Variants in IGF2BP3 observed in about 807,000 individuals in gnomAD.
IGF2BP3 encodes the protein insulin like growth factor 2 mRNA binding protein 3.
Under a neutral mutation model 73.8 loss-of-function variants are expected in IGF2BP3, and 9 were observed. That is an observed-to-expected ratio of 0.12 (90% CI 0.07 to 0.21). The LOEUF is 0.21. Ranked by LOEUF, IGF2BP3 falls within the 10% of genes least tolerant of loss-of-function variation. The pLI is 1.00. For missense variants in IGF2BP3, 542 were observed against 714.0 expected (o/e 0.76, Z 2.75); for synonymous variants, 258 against 256.7 (o/e 1.01, Z -0.05).
At chr7:23,345,886 A>T in intron 8 of IGF2BP3, 54 bp downstream of exon 8, 7 of 1,587,960 alleles carry the variant, frequency 4.4e-6, no homozygotes, top group Non-Finnish European at 6.0e-6. Flanking sequence ...AATACACAAC[A>T]TGCAGCTTAC....
intron 2 of IGF2BP3, among the ~76,000 whole-genome samples, chr7:23,459,088 TTCTTA>T (rs1399107688): frequency 6.6e-6 from 1 of 152,234 alleles, no homozygotes; most frequent in African/African-American, 2.4e-5. Context: ...TAGTTTTCCT[TTCTTA>T]TAATATTTAA....
chr7:23,385,098 C>G (rs1786040230), intron 3 of IGF2BP3, among the ~76,000 whole-genome samples: 1 of 152,086 alleles, frequency 6.6e-6, no homozygotes, highest in Non-Finnish European at 1.5e-5. Flanking sequence ...GGGAGTTTCT[C>G]TTTATAGAAG....
intron 2 of IGF2BP3, among the ~76,000 whole-genome samples, chr7:23,434,234 T>C (rs1216497272): frequency 6.6e-6 from 1 of 152,212 alleles, no homozygotes; most frequent in East Asian, 1.9e-4. Flanking sequence ...ATACGGGGTA[T>C]GTCTACATTA....
At chr7:23,429,342 C>G (rs1035455143) in intron 2 of IGF2BP3, among the ~76,000 whole-genome samples, 2 of 152,048 alleles carry the variant, frequency 1.3e-5, no homozygotes, top group African/African-American at 4.8e-5. Context: ...CTCATTTAAC[C>G]CTCAGAGTTG....
At chr7:23,341,708 T>C (rs1333794565) in intron 10 of IGF2BP3, among the ~76,000 whole-genome samples, 1 of 151,336 alleles carries the variant, frequency 6.6e-6, no homozygotes, top group African/African-American at 2.4e-5. Context: ...CATGTATACC[T>C]ATGTAACAAA....
At chr7:23,345,562 C>T (rs1369900063) in intron 8 of IGF2BP3, among the ~76,000 whole-genome samples, 1 of 152,236 alleles carries the variant, frequency 6.6e-6, no homozygotes, top group Non-Finnish European at 1.5e-5. Context: ...TCCTGCATTC[C>T]TAACCCACAA....
intron 5 of IGF2BP3, among the ~76,000 whole-genome samples, chr7:23,356,028 G>A (rs1344172845): frequency 6.6e-6 from 1 of 151,944 alleles, no homozygotes. Flanking sequence ...TTGAGGAAGA[G>A]GGGGAAAGAG....
rs1783850597 is a variant in IGF2BP3, at chr7:23,312,201, C to T, written c.*161G>A. The T allele has an allele frequency of 1.3e-5, 7 of 528,602 alleles. No homozygotes were observed. The highest frequency in any genetic ancestry group is 3.2e-5 in the East Asian group (1 of 30,782). The allele number at this position is 528,602 out of a possible 1,614,324, so 32.7% of individuals were successfully genotyped here. On this transcript the variant is annotated 3_prime_UTR_variant, in exon 15 of 15. Transcript: ENST00000258729. ...TCAGAGAGCATAAAGTATACATTCT[C>T]ACAGAGACAGGAGTTCAAAAGTTGC...
chr7:23,439,040 A>G (rs1787868705), intron 2 of IGF2BP3, among the ~76,000 whole-genome samples: 1 of 151,028 alleles, frequency 6.6e-6, no homozygotes, highest in South Asian at 2.1e-4. Context: ...TCCAGGAGCT[A>G]AAGACCAGCC....
intron 2 of IGF2BP3, among the ~76,000 whole-genome samples, chr7:23,420,210 G>A (rs1173638603): frequency 1.3e-5 from 2 of 152,224 alleles, no homozygotes; most frequent in Non-Finnish European, 2.9e-5. Context: ...CAGGCCTTGT[G>A]GCTTATGCCT....
chr7:23,383,839 G>A lies in IGF2BP3; in HGVS notation c.286-22098C>T, dbSNP rs541386887. 6.6e-5 allele frequency among the ~76,000 whole-genome samples: 10 copies of A among 152,256 alleles called. No individual in the cohort carries two copies. In the South Asian group the frequency reaches 2.1e-3, roughly 32 times the overall value. On this transcript the variant is annotated intron_variant, in intron 3 of 14. Coordinates refer to ENST00000258729, the MANE Select transcript of IGF2BP3 (RefSeq NM_006547.3). Reference sequence around the variant, plus strand: ...GAGCCGGGCGCGGTGGCTCACACCTGTAATTCCAGCACTTTGGGAGGCCGA... The same window carrying A: ...GAGCCGGGCGCGGTGGCTCACACCTATAATTCCAGCACTTTGGGAGGCCGA...
chr7:23,420,391 T>C (rs1787311733), intron 2 of IGF2BP3, among the ~76,000 whole-genome samples: 1 of 152,066 alleles, frequency 6.6e-6, no homozygotes, highest in African/African-American at 2.4e-5. Context: ...GATGGAAGGA[T>C]TGCTTGAGAC....
chr7:23,312,584 T>C, intron 14 of IGF2BP3, 124 bp from the exon 15 acceptor site: 2 of 900,806 alleles, frequency 2.2e-6, no homozygotes, highest in Non-Finnish European at 3.6e-6. Context: ...ACTAGTCAGT[T>C]TGCTAGTAGT....
Position 23,312,337 on chromosome 7 carries a change from CTG to C in IGF2BP3, c.*23_*24del, listed in dbSNP as rs765754684. ...TCTGTCTTTGGTTTGGCATCTGCCT[CTG>C]TGGTGGGCTGTTTCCTGAGCCTTTA... On this transcript the variant is annotated 3_prime_UTR_variant, in exon 15 of 15. Transcript: ENST00000258729. The C allele has an allele frequency of 7.2e-6, 11 of 1,536,328 alleles. No homozygotes were observed. Among genetic ancestry groups the C allele is most frequent in the Admixed American group, 1.7e-5 (1 of 59,846 alleles).
chr7:23,401,325 TGCCAGCATCATGGA>T (rs1020302883), intron 3 of IGF2BP3, among the ~76,000 whole-genome samples: 1 of 152,152 alleles, frequency 6.6e-6, no homozygotes, highest in African/African-American at 2.4e-5. Context: ...ACATCATGGC[TGCCAGCATCATGGA>T]GGCAGCATCA....
At chr7:23,394,349 C>G (rs1388963621) in intron 3 of IGF2BP3, among the ~76,000 whole-genome samples, 2 of 152,082 alleles carry the variant, frequency 1.3e-5, no homozygotes, top group Non-Finnish European at 2.9e-5. Context: ...TACCTGTAGT[C>G]CCAGCTACTC....
chr7:23,311,424 T>C lies in IGF2BP3; in HGVS notation c.*938A>G, dbSNP rs778509001. The C allele has an allele frequency of 6.5e-6, 1 of 152,676 alleles. No individual in the cohort carries two copies. The highest frequency in any genetic ancestry group is 1.5e-5 in the Non-Finnish European group (1 of 68,016). 9.5% of individuals were successfully genotyped at this position (152,676 alleles called of 1,614,324 possible). ...CATGTAGCTAAACAAAAAACTGAAG[T>C]CTCCTGAAGCCATTTAAACCAGCCG... On this transcript the variant is annotated 3_prime_UTR_variant, in exon 15 of 15. Transcript: ENST00000258729.
intron 8 of IGF2BP3, among the ~76,000 whole-genome samples, chr7:23,344,661 A>C (rs1784789517): frequency 6.6e-6 from 1 of 152,228 alleles, no homozygotes; most frequent in Admixed American, 6.5e-5. Context: ...CTAAGTACAT[A>C]AATTGAGAGG....
intron 5 of IGF2BP3, among the ~76,000 whole-genome samples, chr7:23,353,896 G>A (rs896486988): frequency 6.6e-6 from 1 of 152,204 alleles, no homozygotes; most frequent in Non-Finnish European, 1.5e-5. Context: ...AAAGGAAGAC[G>A]ACAGCTGATA....
Sources: gnomAD v4.1 joint callset for allele counts (sites outside exome capture counted in the v4.1 genomes callset) on GRCh38, gnomAD v4.1.1 for gene constraint, MANE v1.5 for transcripts, NCBI Gene and HGNC (gene_info 2026-07-23, HGNC 2026-07-21) for gene names.